Variants in LRP1B observed in about 807,000 individuals in gnomAD.
LRP1B encodes low-density lipoprotein receptor-related protein 1B.
Under a neutral mutation model 556.6 loss-of-function variants are expected in LRP1B, and 217 were observed. That is an observed-to-expected ratio of 0.39 (90% CI 0.35 to 0.44). The LOEUF (loss-of-function observed/expected upper bound fraction) is 0.44, where lower values mean the gene tolerates loss of function less well. LRP1B is among the 20% of genes least tolerant of loss of function. LRP1B has a pLI of 1.00. For missense variants in LRP1B, 5,053 were observed against 5,620.8 expected (o/e 0.90, Z 3.23); for synonymous variants, 2,047 against 1,865.8 (o/e 1.10, Z -2.50).
chr2:141,058,336 A>G (rs1027808798), intron 9 of LRP1B, among the ~76,000 whole-genome samples: 6 of 151,860 alleles, frequency 4.0e-5, no homozygotes, highest in Admixed American at 2.0e-4. Context: ...CTCTTTTTTT[A>G]TGTATGATTG....
intron 56 of LRP1B, among the ~76,000 whole-genome samples, chr2:140,493,215 C>A (rs1475777698): frequency 3.3e-5 from 5 of 152,034 alleles, no homozygotes; most frequent in African/African-American, 1.2e-4. Flanking sequence ...GTTCTAAAAT[C>A]TTTGTTTGTT....
At position 140,234,844 on chromosome 2, in the gene LRP1B, G is replaced by A. The variant is rs748541010; in HGVS notation, c.13601C>T (p.Pro4534Leu). The A allele has an allele frequency of 1.3e-6, 1 of 775,678 alleles. No individual in the cohort carries two copies. Among genetic ancestry groups the A allele is most frequent in the East Asian group, 2.4e-5 (1 of 40,980 alleles). 48.0% of individuals were successfully genotyped at this position (775,678 alleles called of 1,614,324 possible). A position where few individuals can be genotyped will look rare whatever the true frequency, so the allele number is the denominator to read the frequency against. The stretch of plus-strand genomic sequence containing the variant: ...TAGGTAGATGGGCGGCGCTGTGTGT[G>A]GAAGCTTGAAAGCACTGGGTCCTCC... Reference protein sequence around the residue: ...IGGGPSAFKLPHTAPPIYLNS... With the variant: ...IGGGPSAFKLLHTAPPIYLNS... Residue 4534 changes from proline (P) to leucine (L), a missense_variant, in exon 90 of 91, where the codon CCA (proline) becomes CTA (leucine). Physicochemically the swap from Pro to Leu is moderately conservative, Grantham distance 98. Transcript: ENST00000389484.
intron 2 of LRP1B, among the ~76,000 whole-genome samples, chr2:141,512,337 A>C (rs1410909723): frequency 6.6e-6 from 1 of 152,160 alleles, no homozygotes; most frequent in Non-Finnish European, 1.5e-5. Context: ...ACAGCCATTC[A>C]CATTTTCTTC....
chr2:140,850,663 TTAC>T (rs576955208), intron 28 of LRP1B, among the ~76,000 whole-genome samples: 128 of 152,314 alleles, frequency 8.4e-4, no homozygotes, highest in African/African-American at 2.9e-3. Flanking sequence ...TTGTACGTAA[TTAC>T]TACAATATTG....
intron 7 of LRP1B, among the ~76,000 whole-genome samples, chr2:141,154,070 G>A (rs1428956075): frequency 2.6e-5 from 4 of 151,802 alleles, no homozygotes; most frequent in African/African-American, 9.7e-5. Flanking sequence ...TTAGATATGA[G>A]ATGCCCTGGG....
intron 1 of LRP1B, among the ~76,000 whole-genome samples, chr2:141,969,868 T>C (rs1204388594): frequency 6.6e-6 from 1 of 151,632 alleles, no homozygotes; most frequent in Admixed American, 6.6e-5. Flanking sequence ...CCATAATGGC[T>C]TTATTAATTT....
At chr2:140,520,798 G>GAAAAAAAAAAAAAAAAAA (rs757383865) in intron 49 of LRP1B, among the ~76,000 whole-genome samples, 2 of 86,448 alleles carry the variant, frequency 2.3e-5, no homozygotes, top group Non-Finnish European at 4.3e-5. Flanking sequence ...TAAGAAAACA[G>GAAAAAAAAAAAAAAAAAA]AAAAAAAAAA....
intron 1 of LRP1B, among the ~76,000 whole-genome samples, chr2:141,815,748 A>G (rs1429800808): frequency 6.6e-6 from 1 of 151,988 alleles, no homozygotes; most frequent in Non-Finnish European, 1.5e-5. Flanking sequence ...ATCCCGTTCC[A>G]CGCTGTGGAA....
intron 3 of LRP1B, among the ~76,000 whole-genome samples, chr2:141,345,602 AC>A: frequency 6.6e-6 from 1 of 151,288 alleles, no homozygotes; most frequent in South Asian, 2.1e-4. Flanking sequence ...GGATCCTTCC[AC>A]TTCAGCCTCC....
chr2:140,327,420 A>ATTGTT (rs1322932723), intron 79 of LRP1B, among the ~76,000 whole-genome samples: 1 of 152,128 alleles, frequency 6.6e-6, no homozygotes, highest in Non-Finnish European at 1.5e-5. Context: ...GCAAGTGGTC[A>ATTGTT]TTGTTTTACT....
intron 2 of LRP1B, among the ~76,000 whole-genome samples, chr2:141,502,578 T>A (rs865882890): frequency 6.6e-6 from 1 of 152,088 alleles, no homozygotes. Context: ...CTAGGACAGC[T>A]GGCTGGGCGC....
At chr2:140,300,261 C>A (rs558323137) in intron 83 of LRP1B, among the ~76,000 whole-genome samples, 1 of 152,228 alleles carries the variant, frequency 6.6e-6, no homozygotes, top group East Asian at 1.9e-4. Flanking sequence ...GGGAATATTA[C>A]CTAACAGAAA....
intron 1 of LRP1B, among the ~76,000 whole-genome samples, chr2:141,843,452 T>G (rs2105763370): frequency 6.6e-6 from 1 of 152,280 alleles, no homozygotes; most frequent in Non-Finnish European, 1.5e-5. Context: ...ATTTCTACAT[T>G]TTAATTAAAT....
intron 3 of LRP1B, among the ~76,000 whole-genome samples, chr2:141,410,542 G>A (rs906426076): frequency 2.0e-5 from 3 of 151,968 alleles, no homozygotes; most frequent in Admixed American, 1.3e-4. Context: ...AGAAACCATC[G>A]CGTGTGTCTG....
chr2:140,854,677 A>G (rs1384498603), intron 27 of LRP1B, among the ~76,000 whole-genome samples: 4 of 152,334 alleles, frequency 2.6e-5, no homozygotes, highest in African/African-American at 2.4e-5. Flanking sequence ...ATAAAGTTTT[A>G]TTGAAACATA....
chr2:140,354,425 TGTAGA>T (rs1358840150), intron 75 of LRP1B, among the ~76,000 whole-genome samples: 2 of 152,184 alleles, frequency 1.3e-5, no homozygotes, highest in East Asian at 1.9e-4. Flanking sequence ...TTGATTGAAA[TGTAGA>T]GTAAAGAGAT....
At chr2:140,425,390 T>C (rs527573346) in intron 66 of LRP1B, among the ~76,000 whole-genome samples, 16 of 152,240 alleles carry the variant, frequency 1.1e-4, no homozygotes, top group Non-Finnish European at 1.5e-5. Flanking sequence ...TTCAATTATC[T>C]GTTCACCCAC....
At chr2:140,848,536 A>C (rs1170525328) in intron 29 of LRP1B, among the ~76,000 whole-genome samples, 1 of 151,542 alleles carries the variant, frequency 6.6e-6, no homozygotes, top group Non-Finnish European at 1.5e-5. Context: ...TAGTGAATAA[A>C]ATCTACACTT....
At chr2:141,966,841 T>G (rs1701579951) in intron 1 of LRP1B, among the ~76,000 whole-genome samples, 1 of 151,848 alleles carries the variant, frequency 6.6e-6, no homozygotes, top group Non-Finnish European at 1.5e-5. Context: ...CTGGATACAT[T>G]CAATTTGTAT....
Sources: gnomAD v4.1 joint callset for allele counts (sites outside exome capture counted in the v4.1 genomes callset) on GRCh38, gnomAD v4.1.1 for gene constraint, MANE v1.5 for transcripts, NCBI Gene and HGNC (gene_info 2026-07-23, HGNC 2026-07-21) for gene names.